The following NID2 variants were observed in gnomAD, a reference collection of about 807,000 sequenced individuals.
NID2 encodes nidogen-2.
A neutral mutation model predicts 145.4 loss-of-function variants in NID2; 83 were observed. The ratio of observed to expected loss-of-function variants is 0.57; its 90% CI spans 0.48 to 0.69. The LOEUF (loss-of-function observed/expected upper bound fraction) is 0.69. Ranked by LOEUF, NID2 falls within the 30% of genes least tolerant of loss-of-function variation. The probability of loss-of-function intolerance (pLI) is 0.00; values close to 1 mark genes in which losing one functional copy is unlikely to be tolerated. For missense variants in NID2, 1,807 were observed against 1,765.7 expected, an observed-to-expected ratio of 1.02 and a Z score of -0.42; for synonymous variants, 739 against 701.3, an observed-to-expected ratio of 1.05 and a Z score of -0.85.
chr14:52,064,177 T>C (rs1321633916), intron 2 of NID2, among the ~76,000 whole-genome samples: 1 of 152,206 alleles, frequency 6.6e-6, no homozygotes, highest in Non-Finnish European at 1.5e-5. Flanking sequence ...TCAATGACTA[T>C]CAACCTTTGA....
intron 8 of NID2, among the ~76,000 whole-genome samples, chr14:52,039,818 T>A (rs1016569354): frequency 6.6e-5 from 10 of 152,188 alleles, no homozygotes; most frequent in Non-Finnish European, 1.3e-4. Flanking sequence ...GATGAGAAAA[T>A]ACATTCTCAG....
chr14:52,061,635 G>C (rs980264443), intron 2 of NID2, among the ~76,000 whole-genome samples: 1 of 152,126 alleles, frequency 6.6e-6, no homozygotes, highest in Non-Finnish European at 1.5e-5. Flanking sequence ...AACACTGCAG[G>C]AGCCAACACA....
At chr14:52,066,643 T>C (rs1311706818) in intron 2 of NID2, among the ~76,000 whole-genome samples, 6 of 152,120 alleles carry the variant, frequency 3.9e-5, no homozygotes, top group Admixed American at 3.9e-4. Context: ...AGTCACAGCA[T>C]CCTTACAAGA....
At chr14:52,030,551 A>AGTAAGAAAGAACGGAAGGAAGG (rs1891788087) in intron 9 of NID2, among the ~76,000 whole-genome samples, 4 of 65,084 alleles carry the variant, frequency 6.1e-5, no homozygotes, top group African/African-American at 2.1e-4. Flanking sequence ...AAAGAAAGAA[A>AGTAAGAAAGAACGGAAGGAAGG]GAAAGAAAGA....
intron 5 of NID2, among the ~76,000 whole-genome samples, chr14:52,053,160 G>C (rs1182251932): frequency 6.6e-6 from 1 of 152,126 alleles, no homozygotes; most frequent in Non-Finnish European, 1.5e-5. Context: ...TATGAATCTG[G>C]CATGTTCATC....
At chr14:52,013,814 TGAAAG>T (rs1185804453) in intron 16 of NID2, among the ~76,000 whole-genome samples, 3 of 152,188 alleles carry the variant, frequency 2.0e-5, no homozygotes, top group Non-Finnish European at 4.4e-5. Context: ...AGAACCAAAG[TGAAAG>T]GGAAGGGCTG....
In NID2 at chr14:52,060,193, T is replaced by C. The variant is rs1180063898; in HGVS notation, c.698A>G (p.Asp233Gly). 4.3e-6 allele frequency: 7 copies of C among 1,613,948 alleles called. No individual in the cohort carries two copies. The highest frequency in any genetic ancestry group is 5.9e-6 in the Non-Finnish European group (7 of 1,179,990). Residue 233 changes from aspartate to glycine, a missense_variant, in exon 3 of 22, where the codon GAT becomes GGT. Asp to Gly is a moderately conservative substitution (Grantham distance 94). Coordinates refer to ENST00000216286, the MANE Select transcript of NID2 (RefSeq NM_007361.4). ...ATATGGTCCTTCTGACTTCAGATCATCAGCCTCCCCTCGGCAGAAGCCCAC... is the reference window on the plus strand; with the variant it reads ...ATATGGTCCTTCTGACTTCAGATCACCAGCCTCCCCTCGGCAGAAGCCCAC... ...ARVGFCRGEA[D>G]DLKSEGPYFS... is the part of the protein sequence containing the mutation.
At position 52,039,052 on chromosome 14, in the gene NID2, GTT is replaced by G. The variant is rs199934341; in HGVS notation, c.2027-77_2027-76del. ...TTCATGTGAGGTGGATTTTTCTGCA[GTT>G]TTTTTCATCTAATTCTTGGAGTGTG... On this transcript the variant is annotated intron_variant, in intron 8 of 21. Coordinates refer to ENST00000216286, the MANE Select transcript of NID2 (RefSeq NM_007361.4). The G allele has an allele frequency of 2.9e-5, 30 of 1,025,814 alleles. No individual in the cohort carries two copies. In the African/African-American group the frequency reaches 3.3e-4, roughly 11 times the overall value. The allele number at this position is 1,025,814 out of a possible 1,614,324, so 63.5% of individuals were successfully genotyped here.
chr14:52,015,223 C>T lies in NID2; in HGVS notation c.3081G>A (p.Leu1027=). 1.9e-6 allele frequency: 3 copies of T among 1,613,618 alleles called. No individual in the cohort carries two copies. The highest frequency in any genetic ancestry group is 2.5e-6 in the Non-Finnish European group (3 of 1,179,696). The change falls in exon 15 of 22, where the codon CTG becomes CTA. Residue 1027 remains leucine, a synonymous_variant. Coordinates refer to ENST00000216286, the MANE Select transcript of NID2 (RefSeq NM_007361.4). The stretch of plus-strand genomic sequence containing the variant: ...CCCGGGGGGTGCCACCGTAGTGCTC[C>T]AGCAGGTTTTCCCTCCAGCGCTCAC... ...TICERWRENL[L]EHYGGTPRDD...
chr14:52,022,108 A>G (rs1333078956), intron 12 of NID2, among the ~76,000 whole-genome samples: 1 of 152,176 alleles, frequency 6.6e-6, no homozygotes, highest in Non-Finnish European at 1.5e-5. Flanking sequence ...GCAGTTTCTT[A>G]TTGTTACTTT....
At chr14:52,019,008 A>G (rs1891309908) in intron 14 of NID2, 53 bp downstream of exon 14, 1 of 1,416,872 alleles carries the variant, frequency 7.1e-7, no homozygotes, top group Admixed American at 1.8e-5. Context: ...AGGAATTATG[A>G]TCTACCTACC....
At chr14:52,016,011 C>G (rs931786826) in intron 14 of NID2, among the ~76,000 whole-genome samples, 4 of 152,152 alleles carry the variant, frequency 2.6e-5, no homozygotes, top group Non-Finnish European at 5.9e-5. Context: ...GAATCTTTTC[C>G]TGCAGGCTCT....
At chr14:52,047,871 C>A (rs1019772098) in intron 5 of NID2, among the ~76,000 whole-genome samples, 2 of 152,170 alleles carry the variant, frequency 1.3e-5, no homozygotes, top group Non-Finnish European at 2.9e-5. Context: ...CGGAGAGCTG[C>A]ATTTCTCCCG....
At position 52,040,712 on chromosome 14, in the gene NID2, G is replaced by C; in HGVS notation, c.1965C>G (p.Val655=). ...AGATGTGGGCTGTGAAATTTGCTGA[G>C]ACGTAAGGCACCTGGCCTTGAATGT... is the stretch of plus-strand genomic sequence containing the variant. ...KTNIQGQVPY[V]SANFTAHISP... is the part of the protein sequence containing the mutation. Residue 655 remains valine (V), a synonymous_variant, in exon 8 of 22, where the codon GTC becomes GTG. Coordinates refer to ENST00000216286, the MANE Select transcript of NID2 (RefSeq NM_007361.4). 6.2e-7 allele frequency: 1 copy of C among 1,614,140 alleles called. No individual in the cohort carries two copies. The highest frequency in any genetic ancestry group is 1.3e-5 in the African/African-American group (1 of 75,036).
chr14:52,019,432 CACTATTT>C (rs2140360693), intron 13 of NID2, 138 bp from the exon 14 acceptor site: 1 of 627,206 alleles, frequency 1.6e-6, no homozygotes, highest in Admixed American at 3.0e-5. Flanking sequence ...AATACCTTGC[CACTATTT>C]ACCTCATTTC....
chr14:52,051,636 AAC>A (rs1892683188), intron 5 of NID2, among the ~76,000 whole-genome samples: 1 of 152,238 alleles, frequency 6.6e-6, no homozygotes, highest in African/African-American at 2.4e-5. Context: ...ATGTGAAAGA[AAC>A]AGTCACTGCA....
chr14:52,032,615 T>C (rs1486380716), intron 9 of NID2, among the ~76,000 whole-genome samples: 1 of 152,188 alleles, frequency 6.6e-6, no homozygotes, highest in Non-Finnish European at 1.5e-5. Context: ...AGGAAGATTC[T>C]GTACAAAATG....
intron 5 of NID2, 78 bp downstream of exon 5, chr14:52,053,501 A>C: frequency 6.8e-7 from 1 of 1,475,772 alleles, no homozygotes; most frequent in African/African-American, 1.4e-5. Flanking sequence ...CTACCCACTT[A>C]AGAGAAAAAT....
At chr14:52,035,036 C>A (rs1035298597) in intron 9 of NID2, among the ~76,000 whole-genome samples, 2 of 152,112 alleles carry the variant, frequency 1.3e-5, no homozygotes, top group South Asian at 2.1e-4. Context: ...CATATCCCCC[C>A]ACCCAAAATG....
Sources: gnomAD v4.1 joint callset for allele counts (sites outside exome capture counted in the v4.1 genomes callset) on GRCh38, gnomAD v4.1.1 for gene constraint, MANE v1.5 for transcripts, NCBI Gene and HGNC (gene_info 2026-07-23, HGNC 2026-07-21) for gene names.